PFKL: variants seen among roughly 807,000 people sequenced by gnomAD.
The protein encoded by PFKL is phosphofructokinase, liver type.
Under a neutral mutation model 92.1 loss-of-function variants are expected in PFKL, and 74 were observed. The ratio of observed to expected loss-of-function variants is 0.80; its 90% CI spans 0.67 to 0.97. The LOEUF is 0.97. Among genes scored for constraint, PFKL ranks in the 50% least tolerant of loss-of-function variants. PFKL has a pLI of 0.00. For synonymous variants in PFKL, 494 were observed against 456.4 expected, an observed-to-expected ratio of 1.08 and a Z score of -1.05; for missense variants, 1,028 against 1,116.6, an observed-to-expected ratio of 0.92 and a Z score of 1.13.
At chr21:44,316,087 C>T (rs988974783) in intron 7 of PFKL, 157 bp from the exon 8 acceptor site, 21 of 669,466 alleles carry the variant, frequency 3.1e-5, no homozygotes, top group African/African-American at 8.9e-5. Context: ...TCTGCCCTCG[C>T]GCTCCAGGCC....
At chr21:44,322,681 A>G (rs1223859232) in intron 14 of PFKL, among the ~76,000 whole-genome samples, 2 of 152,176 alleles carry the variant, frequency 1.3e-5, no homozygotes, top group Non-Finnish European at 2.9e-5. Context: ...GTTGGGCGAG[A>G]AAGCCTCGGG....
chr21:44,319,067 G>C (rs762903602), intron 10 of PFKL, among the ~76,000 whole-genome samples: 2 of 152,274 alleles, frequency 1.3e-5, no homozygotes, highest in Admixed American at 6.5e-5. Context: ...CTGGCTCGGT[G>C]GGTTTGGAGG....
rs2047277995 is a variant in PFKL at position 44,318,680 on chromosome 21, C to T, written c.1062+85C>T. On this transcript the variant is annotated intron_variant, in intron 10 of 21. Coordinates refer to ENST00000349048, the MANE Select transcript of PFKL (RefSeq NM_002626.6). ...AGGCCCCACTGCTCTCTGGGGGCCC[C>T]AGCACTGTGAGCACCGGAGGGCAGG... is the stretch of plus-strand genomic sequence containing the variant. 3 of 1,257,720 alleles carry T rather than the reference C, an allele frequency of 2.4e-6. No individual in the cohort carries two copies. The East Asian group carries it at 8.5e-5, about 36-fold the overall frequency. 77.9% of individuals were successfully genotyped at this position (1,257,720 alleles called of 1,614,324 possible). A position where few individuals can be genotyped will look rare whatever the true frequency, so the allele number is the denominator to read the frequency against.
chr21:44,301,865 G>GC (rs970898114), intron 1 of PFKL, among the ~76,000 whole-genome samples: 62 of 151,788 alleles, frequency 4.1e-4, no homozygotes, highest in African/African-American at 1.1e-3. Flanking sequence ...GGTGGCACGT[G>GC]CCCCCCCCAC....
At chr21:44,308,558 A>ATTTTTTT (rs368772998) in intron 2 of PFKL, among the ~76,000 whole-genome samples, 1 of 137,606 alleles carries the variant, frequency 7.3e-6, no homozygotes. Context: ...GGGGGGTAGG[A>ATTTTTTT]ATTTTTTTTT....
At chr21:44,304,345 A>ATT in intron 1 of PFKL, 1 of 1,287,610 alleles carries the variant, frequency 7.8e-7, no homozygotes, top group African/African-American at 1.5e-5. Flanking sequence ...CCAGTGGCAC[A>ATT]TTGACTCCGC....
At position 44,326,899 on chromosome 21, in the gene PFKL, C is replaced by A; in HGVS notation, c.*37C>A. The A allele has an allele frequency of 1.3e-6, 2 of 1,559,830 alleles. No homozygotes were observed. Among genetic ancestry groups the A allele is most frequent in the South Asian group, 1.2e-5 (1 of 86,552 alleles). On this transcript the variant is annotated 3_prime_UTR_variant, in exon 22 of 22. Coordinates refer to ENST00000349048, the MANE Select transcript of PFKL (RefSeq NM_002626.6). ...CCCACGCCCCTCCCCAGCCCCCACC[C>A]ATGCCAGCGCAGCGCCAGGGCTCAG... is the stretch of plus-strand genomic sequence containing the variant.
chr21:44,312,267 A>G lies in PFKL; in HGVS notation c.400A>G (p.Ser134Gly), dbSNP rs2047067852. 6.3e-7 allele frequency: 1 copy of G among 1,595,574 alleles called. No homozygotes were observed. Among genetic ancestry groups the G allele is most frequent in the African/African-American group, 1.4e-5 (1 of 73,920 alleles). The change falls in exon 4 of 22, where the codon AGC (serine) becomes GGC (glycine). Residue 134 changes from serine to glycine, a missense_variant. By Grantham distance (56) the Ser-to-Gly change is moderately conservative (BLOSUM62 0). Transcript: ENST00000349048. ...CAACATCTTCCGCAGCGAGTGGGGC[A>G]GCCTGCTGGAGGAGCTGGTGGCGGA... ...GANIFRSEWG[S>G]LLEELVAEGK...
rs545347869 is a variant in PFKL, at chr21:44,314,237, G to A, written c.747+216G>A. ...GTCCTGCCCCCAGTGGGCAGGAGGCGGAGAGGGTCACTCAGGCTGCCGCCG... is the reference window on the plus strand; with the variant it reads ...GTCCTGCCCCCAGTGGGCAGGAGGCAGAGAGGGTCACTCAGGCTGCCGCCG... On this transcript the variant is annotated intron_variant, in intron 7 of 21. Transcript: ENST00000349048. The A allele has an allele frequency of 1.5e-4, 83 of 568,614 alleles. 1 individual carries two copies. The highest frequency in any genetic ancestry group is 1.3e-3 in the South Asian group (59 of 44,932). The allele number at this position is 568,614 out of a possible 1,614,324, so 35.2% of individuals were successfully genotyped here.
At chr21:44,305,834 A>G (rs1424309853) in intron 1 of PFKL, 9 of 1,366,624 alleles carry the variant, frequency 6.6e-6, no homozygotes, top group South Asian at 5.7e-5. Context: ...GCTGGGACAG[A>G]CTGTTTCTTT....
chr21:44,313,302 G>A (rs1224205798), intron 5 of PFKL, among the ~76,000 whole-genome samples, 159 bp downstream of exon 5: 4 of 152,170 alleles, frequency 2.6e-5, no homozygotes, highest in South Asian at 4.1e-4. Flanking sequence ...AACGCACAGC[G>A]GGCTCCACTC....
intron 7 of PFKL, 200 bp from the exon 8 acceptor site, chr21:44,316,044 A>G: frequency 1.7e-6 from 1 of 593,244 alleles, no homozygotes; most frequent in Admixed American, 2.9e-5. Flanking sequence ...CGCCTCCAGG[A>G]GGGCGGGGCG....
In PFKL at chr21:44,326,281, C is replaced by T. The variant is rs1202708934; in HGVS notation, c.2195+17C>T. 1 of 1,572,360 alleles carries T rather than the reference C, an allele frequency of 6.4e-7. No homozygotes were observed. The highest frequency in any genetic ancestry group is 1.4e-5 in the African/African-American group (1 of 74,022). ...TGATTTCGAGTGAGTTCCACCAAAG[C>T]CTCGTGGAGGCGGGTGGGGCTGAGG... is the stretch of plus-strand genomic sequence containing the variant. On this transcript the variant is annotated intron_variant, in intron 21 of 21. Coordinates refer to ENST00000349048, the MANE Select transcript of PFKL (RefSeq NM_002626.6).
rs765003136 is a variant in PFKL, at chr21:44,313,679, G to T, written c.635G>T (p.Cys212Phe). 6.2e-7 allele frequency: 1 copy of T among 1,611,884 alleles called. No individual in the cohort carries two copies. The highest frequency in any genetic ancestry group is 8.5e-7 in the Non-Finnish European group (1 of 1,179,462). ...GTGCTGGAAGTGATGGGCCGGCACTGCGGGTGAGGAGGGGCTTCCTGGCCC... is the reference window on the plus strand; with the variant it reads ...GTGCTGGAAGTGATGGGCCGGCACTTCGGGTGAGGAGGGGCTTCCTGGCCC... ...TFVLEVMGRH[C>F]GYLALVSALA... The change falls in exon 6 of 22, where the codon TGC (cysteine) becomes TTC (phenylalanine). Residue 212 changes from cysteine (C) to phenylalanine (F), a missense_variant. Coordinates refer to ENST00000349048, the MANE Select transcript of PFKL (RefSeq NM_002626.6).
At chr21:44,324,703 C>T (rs1322334934) in intron 17 of PFKL, 48 bp downstream of exon 17, 1 of 1,562,362 alleles carries the variant, frequency 6.4e-7, no homozygotes, top group East Asian at 2.3e-5. Flanking sequence ...GGCATGCCAG[C>T]CTGGGCCCCA....
intron 6 of PFKL, 107 bp downstream of exon 6, chr21:44,313,789 G>T: frequency 7.3e-7 from 1 of 1,362,828 alleles, no homozygotes. Context: ...ATGGGTGTGA[G>T]AGAGCCGGGT....
At chr21:44,324,176 C>T (rs949524066) in intron 16 of PFKL, among the ~76,000 whole-genome samples, 1 of 152,122 alleles carries the variant, frequency 6.6e-6, no homozygotes, top group African/African-American at 2.4e-5. Context: ...GTCCCTGCGC[C>T]CCAGTGCTGG....
chr21:44,301,530 G>A (rs1258807093), intron 1 of PFKL, among the ~76,000 whole-genome samples: 1 of 152,240 alleles, frequency 6.6e-6, no homozygotes, highest in Non-Finnish European at 1.5e-5. Flanking sequence ...CAGGCCGGGT[G>A]CGGTGGCTCA....
Position 44,302,825 on chromosome 21 carries a change from T to C in PFKL, c.85+2635T>C, listed in dbSNP as rs574637266. 2.0e-5 allele frequency among the ~76,000 whole-genome samples: 3 copies of C among 152,328 alleles called. No individual in the cohort carries two copies. In the South Asian group the frequency reaches 6.2e-4, roughly 32 times the overall value. ...TCCAGCCAGCCCACAAGTCCTGTCC[T>C]GTGTGGCTCTGGGTCACGCCTTTCC... On this transcript the variant is annotated intron_variant, in intron 1 of 21. Transcript: ENST00000349048.
Sources: allele counts gnomAD v4.1 joint callset (sites outside exome capture counted in the v4.1 genomes callset), GRCh38; gene constraint gnomAD v4.1.1; transcripts MANE v1.5; gene names NCBI Gene and HGNC (gene_info 2026-07-23, HGNC 2026-07-21).